Variants in B3GALT1 observed in about 807,000 individuals in gnomAD.
The protein encoded by B3GALT1 is beta-1,3-galactosyltransferase 1, also known as UDP-Gal:betaGlcNAc beta 1,3-galactosyltransferase, polypeptide 1.
A neutral mutation model predicts 23.2 loss-of-function variants in B3GALT1; 10 were observed. The ratio of observed to expected loss-of-function variants is 0.43; its 90% CI spans 0.27 to 0.73. The LOEUF (loss-of-function observed/expected upper bound fraction) is 0.73, where lower values mean the gene tolerates loss of function less well. B3GALT1 is among the 30% of genes least tolerant of loss of function. The pLI is 0.21. For synonymous variants in B3GALT1, 156 were observed against 141.5 expected, an observed-to-expected ratio of 1.10 and a Z score of -0.73; for missense variants, 299 against 405.4, an observed-to-expected ratio of 0.74 and a Z score of 2.25.
chr2:167,569,312 T>G, intron 2 of B3GALT1, among the ~76,000 whole-genome samples: 1 of 152,066 alleles, frequency 6.6e-6, no homozygotes, highest in African/African-American at 2.4e-5. Flanking sequence ...AACATCTTCC[T>G]ATCTTCCTGG....
chr2:167,563,208 A>C (rs1334363440), intron 2 of B3GALT1, among the ~76,000 whole-genome samples: 4 of 146,812 alleles, frequency 2.7e-5, no homozygotes, highest in East Asian at 2.1e-4. Flanking sequence ...GGGGCTCCTC[A>C]CCTCCCAGCA....
Position 167,673,662 on chromosome 2 carries a change from C to T in B3GALT1, c.-352+26696C>T, listed in dbSNP as rs1403966767. The stretch of plus-strand genomic sequence containing the variant: ...CACTAAAATCCTTATATTGAGAACC[C>T]AAAAGGGTCTTAAACAAATACTTTT... On this transcript the variant is annotated intron_variant, in intron 3 of 4. Transcript: ENST00000392690. 2.6e-5 allele frequency among the ~76,000 whole-genome samples: 4 copies of T among 151,830 alleles called. No individual in the cohort carries two copies. In the East Asian group the frequency reaches 5.8e-4, roughly 22 times the overall value.
intron 3 of B3GALT1, among the ~76,000 whole-genome samples, chr2:167,815,434 T>TA (rs1409746627): frequency 6.6e-6 from 1 of 152,170 alleles, no homozygotes; most frequent in Non-Finnish European, 1.5e-5. Flanking sequence ...TGTTGGTCCT[T>TA]ATTTAAGTCC....
At chr2:167,663,408 C>A (rs958397935) in intron 3 of B3GALT1, among the ~76,000 whole-genome samples, 1 of 151,864 alleles carries the variant, frequency 6.6e-6, no homozygotes, top group South Asian at 2.1e-4. Flanking sequence ...GTGAATAATG[C>A]CGCAATAAAC....
chr2:167,685,604 G>A (rs1446415652), intron 3 of B3GALT1, among the ~76,000 whole-genome samples: 1 of 152,146 alleles, frequency 6.6e-6, no homozygotes, highest in Non-Finnish European at 1.5e-5. Context: ...TTTAAAGGAT[G>A]GAAACAGGCT....
At chr2:167,855,893 C>A (rs757799888) in intron 4 of B3GALT1, among the ~76,000 whole-genome samples, 8 of 152,090 alleles carry the variant, frequency 5.3e-5, no homozygotes, top group Non-Finnish European at 1.2e-4. Context: ...CCTATACCAT[C>A]TGTTCAGAAC....
intron 3 of B3GALT1, among the ~76,000 whole-genome samples, chr2:167,661,669 C>T (rs1002322255): frequency 3.3e-5 from 5 of 152,032 alleles, no homozygotes; most frequent in African/African-American, 4.8e-5. Context: ...CAAAATTGCA[C>T]CTCTGGTTGA....
At chr2:167,565,100 C>A (rs1471173549) in intron 2 of B3GALT1, among the ~76,000 whole-genome samples, 1 of 152,288 alleles carries the variant, frequency 6.6e-6, no homozygotes, top group East Asian at 1.9e-4. Flanking sequence ...TACCTGACTT[C>A]AAACCATACT....
chr2:167,534,424 T>C (rs1683381903), intron 2 of B3GALT1, among the ~76,000 whole-genome samples: 1 of 152,126 alleles, frequency 6.6e-6, no homozygotes, highest in Non-Finnish European at 1.5e-5. Flanking sequence ...ATTGAAACTT[T>C]TGGGGATTAG....
intron 3 of B3GALT1, among the ~76,000 whole-genome samples, chr2:167,798,812 A>G (rs997705034): frequency 6.6e-6 from 1 of 152,142 alleles, no homozygotes; most frequent in Non-Finnish European, 1.5e-5. Context: ...CATGAAGTAA[A>G]GGATAGTTTT....
intron 4 of B3GALT1, among the ~76,000 whole-genome samples, chr2:167,820,220 AAAAT>A (rs1553491132): frequency 1.3e-5 from 2 of 152,252 alleles, no homozygotes; most frequent in South Asian, 2.1e-4. Flanking sequence ...AACAAAACAG[AAAAT>A]AAATAAATAA....
At chr2:167,701,501 T>A (rs1686881822) in intron 3 of B3GALT1, among the ~76,000 whole-genome samples, 1 of 152,156 alleles carries the variant, frequency 6.6e-6, no homozygotes, top group East Asian at 1.9e-4. Flanking sequence ...AAGTTTACTC[T>A]CTAAGTGCAT....
intron 2 of B3GALT1, among the ~76,000 whole-genome samples, chr2:167,580,061 G>C (rs1684457520): frequency 6.6e-6 from 1 of 152,110 alleles, no homozygotes; most frequent in Non-Finnish European, 1.5e-5. Flanking sequence ...GGGAAACACG[G>C]TGTTGGATAA....
intron 3 of B3GALT1, among the ~76,000 whole-genome samples, chr2:167,668,032 T>C (rs1686238361): frequency 6.6e-6 from 1 of 152,226 alleles, no homozygotes; most frequent in Non-Finnish European, 1.5e-5. Context: ...CTCTGCTTTT[T>C]AGAGTTTCCA....
chr2:167,786,033 C>T (rs909418607), intron 3 of B3GALT1, among the ~76,000 whole-genome samples: 1 of 152,184 alleles, frequency 6.6e-6, no homozygotes, highest in Non-Finnish European at 1.5e-5. Flanking sequence ...TCCAGTTGTT[C>T]CCACTAGTCA....
chr2:167,328,541 G>A (rs1022643044), intron 1 of B3GALT1, among the ~76,000 whole-genome samples: 4 of 151,992 alleles, frequency 2.6e-5, no homozygotes, highest in Non-Finnish European at 4.4e-5. Flanking sequence ...TTGTATTTCT[G>A]TGGTATCAGT....
At chr2:167,554,029 C>T (rs1574133621) in intron 2 of B3GALT1, among the ~76,000 whole-genome samples, 1 of 150,962 alleles carries the variant, frequency 6.6e-6, no homozygotes, top group Admixed American at 6.6e-5. Flanking sequence ...TCCTGGGGAT[C>T]TGCGTTTATT....
At chr2:167,843,842 T>G (rs1229385520) in intron 4 of B3GALT1, among the ~76,000 whole-genome samples, 1 of 152,212 alleles carries the variant, frequency 6.6e-6, no homozygotes, top group African/African-American at 2.4e-5. Flanking sequence ...AGTGGCACTA[T>G]GAGTATGATC....
intron 3 of B3GALT1, among the ~76,000 whole-genome samples, chr2:167,742,207 G>A (rs1326565018): frequency 6.6e-6 from 1 of 152,116 alleles, no homozygotes; most frequent in Non-Finnish European, 1.5e-5. Flanking sequence ...CTTTAAGATT[G>A]CTTTAAGTGT....
Sources: allele counts gnomAD v4.1 joint callset (sites outside exome capture counted in the v4.1 genomes callset), GRCh38; gene constraint gnomAD v4.1.1; transcripts MANE v1.5; gene names NCBI Gene and HGNC (gene_info 2026-07-23, HGNC 2026-07-21).